The following RIN2 variants were observed in gnomAD, a reference collection of about 807,000 sequenced individuals.
The protein encoded by RIN2 is RAB5 interacting protein 2.
A neutral mutation model predicts 78.0 loss-of-function variants in RIN2; 36 were observed. The observed-to-expected ratio is 0.46, with a 90% confidence interval of 0.35 to 0.61. RIN2 has a LOEUF of 0.61. Ranked by LOEUF, RIN2 falls within the 20% of genes least tolerant of loss-of-function variation. The pLI is 0.00. For synonymous variants in RIN2, 466 were observed against 466.8 expected (o/e 1.00, Z 0.02); for missense variants, 1,087 against 1,159.7 (o/e 0.94, Z 0.91).
chr20:19,984,339 CCTG>C (rs2042561265), intron 9 of RIN2, among the ~76,000 whole-genome samples: 1 of 152,192 alleles, frequency 6.6e-6, no homozygotes, highest in African/African-American at 2.4e-5. Flanking sequence ...TATGGTATAT[CCTG>C]CTGCTTCTAG....
rs1466819033 is a variant in RIN2, at chr20:19,851,034, GA to G, written c.-36-38530del. Among the ~76,000 whole-genome samples, 19 of 100,476 alleles carry G rather than the reference GA, an allele frequency of 1.9e-4. No homozygotes were observed. In the East Asian group the frequency reaches 2.3e-3, roughly 12 times the overall value. 65.9% of individuals were successfully genotyped at this position (100,476 alleles called of 152,430 possible). On this transcript the variant is annotated intron_variant, in intron 2 of 12. Coordinates refer to ENST00000255006, the MANE Select transcript of RIN2 (RefSeq NM_018993.4). Reference sequence around the variant, plus strand: ...GGAAGGAAGGAAGGAAGGAAGGAAGGAAGGAAGGAAGGAAGGAGAAAGAAAG... The same window carrying G: ...GGAAGGAAGGAAGGAAGGAAGGAAGGAGGAAGGAAGGAAGGAGAAAGAAAG...
intron 2 of RIN2, among the ~76,000 whole-genome samples, chr20:19,810,408 A>G (rs1193640541): frequency 6.6e-6 from 1 of 152,054 alleles, no homozygotes; most frequent in Non-Finnish European, 1.5e-5. Flanking sequence ...ACTCTGTCTC[A>G]AAGAAATGAA....
At chr20:19,909,784 A>G (rs1461431539) in intron 3 of RIN2, among the ~76,000 whole-genome samples, 3 of 152,236 alleles carry the variant, frequency 2.0e-5, no homozygotes, top group African/African-American at 7.2e-5. Context: ...TCCAGGGCTC[A>G]TCAGTAAGCT....
At chr20:19,903,417 G>A (rs1403318067) in intron 3 of RIN2, among the ~76,000 whole-genome samples, 4 of 152,162 alleles carry the variant, frequency 2.6e-5, no homozygotes, top group African/African-American at 7.2e-5. Flanking sequence ...CATTGTGTCT[G>A]TGTTGTTTAT....
chr20:19,992,087 G>A (rs2042814012), intron 10 of RIN2, 81 bp from the exon 11 acceptor site: 6 of 1,517,296 alleles, frequency 4.0e-6, no homozygotes, highest in South Asian at 2.5e-5. Flanking sequence ...ACTCCTTGCT[G>A]TCTAATAAAA....
At chr20:19,996,221 G>A (rs1302355407) in intron 11 of RIN2, among the ~76,000 whole-genome samples, 1 of 152,190 alleles carries the variant, frequency 6.6e-6, no homozygotes, top group Non-Finnish European at 1.5e-5. Context: ...GGCTGAGGTG[G>A]GAGCGTCGCT....
chr20:19,987,735 A>T (rs2042666251), intron 9 of RIN2, among the ~76,000 whole-genome samples: 1 of 152,254 alleles, frequency 6.6e-6, no homozygotes, highest in Non-Finnish European at 1.5e-5. Context: ...TTATTAACAC[A>T]AAGCAACCAA....
chr20:19,913,018 C>A (rs1332537471), intron 3 of RIN2, among the ~76,000 whole-genome samples: 1 of 152,194 alleles, frequency 6.6e-6, no homozygotes, highest in African/African-American at 2.4e-5. Context: ...AGTTAGGGCC[C>A]TCCTGGGCTT....
intron 6 of RIN2, among the ~76,000 whole-genome samples, chr20:19,964,389 A>G (rs970324226): frequency 1.3e-5 from 2 of 152,132 alleles, no homozygotes; most frequent in Non-Finnish European, 2.9e-5. Context: ...GATTACATGC[A>G]TGAGGCACCA....
intron 1 of RIN2, among the ~76,000 whole-genome samples, chr20:19,792,539 C>A (rs532373672): frequency 2.0e-4 from 30 of 152,260 alleles, no homozygotes; most frequent in African/African-American, 7.0e-4. Flanking sequence ...AAGCAAAGCT[C>A]ACAGGAGCAA....
chr20:19,927,617 G>A lies in RIN2; in HGVS notation c.58-7482G>A, dbSNP rs555227400. On this transcript the variant is annotated intron_variant, in intron 3 of 12. Transcript: ENST00000255006. ...TTTAGTAGAGACGGGGTTCCACTGT[G>A]TTGCCCAGGCTGGTCTGAAACTCCT... is the stretch of plus-strand genomic sequence containing the variant. Among the ~76,000 whole-genome samples the A allele has an allele frequency of 3.9e-5, 6 of 152,248 alleles. No homozygotes were observed. In the East Asian group the frequency reaches 7.7e-4, roughly 20 times the overall value.
intron 3 of RIN2, among the ~76,000 whole-genome samples, chr20:19,914,097 G>T (rs1290318943): frequency 2.0e-5 from 3 of 152,152 alleles, no homozygotes; most frequent in African/African-American, 7.2e-5. Context: ...TTTAATAACA[G>T]TATTATCAGT....
chr20:19,970,546 C>G (rs1293829422), intron 7 of RIN2, among the ~76,000 whole-genome samples: 1 of 152,142 alleles, frequency 6.6e-6, no homozygotes, highest in East Asian at 1.9e-4. Context: ...GTCAGCAATT[C>G]TGATGTAAAC....
chr20:19,830,511 C>T (rs1207092571), intron 2 of RIN2, among the ~76,000 whole-genome samples: 1 of 152,214 alleles, frequency 6.6e-6, no homozygotes, highest in Non-Finnish European at 1.5e-5. Flanking sequence ...TGTCATGTCC[C>T]ACAGTGCATA....
intron 3 of RIN2, 32 bp downstream of exon 3, chr20:19,889,690 C>T (rs776021952): frequency 1.7e-5 from 25 of 1,428,862 alleles, no homozygotes; most frequent in Middle Eastern, 1.8e-4. Context: ...GATCTCAACT[C>T]GTCGGCTTGC....
chr20:19,759,727 T>C (rs2033555350), intron 1 of RIN2, among the ~76,000 whole-genome samples: 1 of 152,122 alleles, frequency 6.6e-6, no homozygotes, highest in East Asian at 1.9e-4. Context: ...TAGCTGGGCC[T>C]GAAGGCATGT....
rs543939546 is a variant in RIN2, at chr20:19,960,855, G to A, written c.463+44G>A. 4.9e-5 allele frequency: 62 copies of A among 1,257,222 alleles called. No homozygotes were observed. In the African/African-American group the frequency reaches 5.6e-4, roughly 11 times the overall value. The allele number at this position is 1,257,222 out of a possible 1,614,324, so 77.9% of individuals were successfully genotyped here. A position where few individuals can be genotyped will look rare whatever the true frequency, so the allele number is the denominator to read the frequency against. On this transcript the variant is annotated intron_variant, in intron 6 of 12. Transcript: ENST00000255006. The stretch of plus-strand genomic sequence containing the variant: ...CTCAGGTCCTGACTGACAGGGCCAC[G>A]GGGCTCTGCAGGGAGTGGAAATGGA...
At chr20:19,949,149 G>A (rs1457848533) in intron 4 of RIN2, among the ~76,000 whole-genome samples, 4 of 152,202 alleles carry the variant, frequency 2.6e-5, no homozygotes, top group Non-Finnish European at 5.9e-5. Flanking sequence ...GGGCATGGTG[G>A]TGTGTGCCTG....
At chr20:19,993,708 C>T (rs1015356759) in intron 11 of RIN2, among the ~76,000 whole-genome samples, 1 of 152,152 alleles carries the variant, frequency 6.6e-6, no homozygotes, top group Non-Finnish European at 1.5e-5. Context: ...CTTGCCTGCT[C>T]TGCCCTGGGA....
Sources: allele counts gnomAD v4.1 joint callset (sites outside exome capture counted in the v4.1 genomes callset), GRCh38; gene constraint gnomAD v4.1.1; transcripts MANE v1.5; gene names NCBI Gene and HGNC (gene_info 2026-07-23, HGNC 2026-07-21).